Variants in TENM2 observed in about 807,000 individuals in gnomAD.
The protein encoded by TENM2 is teneurin transmembrane protein 2.
In TENM2, 52 loss-of-function variants were observed where a neutral mutation model predicts 245.2. The ratio of observed to expected loss-of-function variants is 0.21; its 90% CI spans 0.17 to 0.27. The LOEUF is 0.27. Ranked by LOEUF, TENM2 falls within the 10% of genes least tolerant of loss-of-function variation. The pLI, the probability that TENM2 is intolerant of heterozygous loss-of-function variation, is 1.00. For synonymous variants in TENM2, 1,363 were observed against 1,438.9 expected, an observed-to-expected ratio of 0.95 and a Z score of 1.19; for missense variants, 3,046 against 3,666.8, an observed-to-expected ratio of 0.83 and a Z score of 4.37.
chr5:167,872,546 A>AAGAAAGAAAG (rs1561881684), intron 2 of TENM2, among the ~76,000 whole-genome samples: 4 of 113,726 alleles, frequency 3.5e-5, no homozygotes, highest in African/African-American at 1.2e-4. Context: ...GAAAGAAAGA[A>AAGAAAGAAAG]AGAGAAAGAA....
chr5:167,196,498 G>A, the TENM2 span, among the ~76,000 whole-genome samples: 9 of 149,232 alleles, frequency 6.0e-5, 1 homozygote, highest in South Asian at 1.7e-3. Flanking sequence ...ATATATATAT[G>A]TGTATATATA....
the TENM2 span, among the ~76,000 whole-genome samples, chr5:167,177,918 C>T: frequency 5.9e-5 from 9 of 152,160 alleles, no homozygotes; most frequent in East Asian, 3.9e-4. Context: ...CTATAAAACA[C>T]GCAAAGCCTC....
At chr5:167,092,291 G>A in the TENM2 span, among the ~76,000 whole-genome samples, 2 of 152,208 alleles carry the variant, frequency 1.3e-5, no homozygotes, top group East Asian at 1.9e-4. Context: ...CATATGGCCC[G>A]TGACTGCTTT....
chr5:167,665,236 T>C (rs1282510268), intron 2 of TENM2, among the ~76,000 whole-genome samples: 3 of 152,126 alleles, frequency 2.0e-5, no homozygotes, highest in African/African-American at 7.2e-5. Context: ...TACAATAATA[T>C]ACATAAAATT....
intron 2 of TENM2, among the ~76,000 whole-genome samples, chr5:167,545,087 A>G (rs1318178830): frequency 1.3e-5 from 2 of 152,130 alleles, no homozygotes; most frequent in African/African-American, 4.8e-5. Flanking sequence ...GACAGCTGTT[A>G]TGCTATGTAA....
rs149632413 is a variant in TENM2, at chr5:167,948,645, G to T, written c.713-3943G>T. Among the ~76,000 whole-genome samples the T allele has an allele frequency of 2.8e-3, 428 of 152,294 alleles. 3 individuals carry two copies. Among genetic ancestry groups the T allele is most frequent in the African/African-American group, 9.8e-3 (409 of 41,556 alleles). On this transcript the variant is annotated intron_variant, in intron 3 of 28. Coordinates refer to ENST00000518659, the Ensembl canonical transcript of TENM2. The stretch of plus-strand genomic sequence containing the variant: ...GGTCAGCACCAATATTTTAATGACA[G>T]TTGCCTTTTGTCTACTAATAGCATA...
chr5:167,965,124 G>A (rs1781295126), intron 4 of TENM2: 1 of 152,176 alleles, frequency 6.6e-6, no homozygotes, highest in African/African-American at 2.4e-5. Flanking sequence ...GGTAGGATCA[G>A]TAGAAATTAA....
intron 2 of TENM2, among the ~76,000 whole-genome samples, chr5:167,873,143 C>G (rs1404855520): frequency 1.3e-5 from 2 of 152,192 alleles, no homozygotes; most frequent in African/African-American, 4.8e-5. Context: ...AGTTCAGGAG[C>G]CTTGAAGAAG....
intron 4 of TENM2, among the ~76,000 whole-genome samples, chr5:167,956,591 T>A (rs886224870): frequency 6.6e-6 from 1 of 152,212 alleles, no homozygotes; most frequent in Non-Finnish European, 1.5e-5. Flanking sequence ...CCATTCAGTG[T>A]GATATTGGCT....
intron 23 of TENM2, 111 bp downstream of exon 25, chr5:168,219,110 A>G: frequency 9.0e-7 from 1 of 1,105,200 alleles, no homozygotes; most frequent in Non-Finnish European, 1.3e-6. Flanking sequence ...TGTCTTTCTA[A>G]CTTTAATGAT....
intron 2 of TENM2, among the ~76,000 whole-genome samples, chr5:167,569,189 T>G (rs573526292): frequency 1.3e-5 from 2 of 151,538 alleles, no homozygotes; most frequent in East Asian, 1.9e-4. Flanking sequence ...TATTATTTTG[T>G]ATAATTTTGA....
chr5:168,118,207 C>A, intron 9 of TENM2, 85 bp from the exon 12 acceptor site: 2 of 1,179,700 alleles, frequency 1.7e-6, no homozygotes, highest in Non-Finnish European at 2.3e-6. Flanking sequence ...AGCCCCAAGG[C>A]CAGACAGCTC....
intron 2 of TENM2, among the ~76,000 whole-genome samples, chr5:167,717,351 T>C (rs893992187): frequency 5.3e-5 from 8 of 152,148 alleles, no homozygotes; most frequent in Admixed American, 4.6e-4. Context: ...TCCTCAACTA[T>C]GAACTGACCC....
chr5:167,782,426 G>T (rs1355635229), intron 2 of TENM2, among the ~76,000 whole-genome samples: 1 of 151,394 alleles, frequency 6.6e-6, no homozygotes, highest in African/African-American at 2.4e-5. Context: ...AGCAAATCCT[G>T]CTTTAGATGG....
the TENM2 span, among the ~76,000 whole-genome samples, chr5:167,274,326 T>C: frequency 6.6e-6 from 1 of 152,184 alleles, no homozygotes; most frequent in Non-Finnish European, 1.5e-5. Context: ...TTGTTCTGTG[T>C]ATCTCTAGTG....
the TENM2 span, among the ~76,000 whole-genome samples, chr5:167,008,708 T>G: frequency 6.6e-6 from 1 of 152,142 alleles, no homozygotes; most frequent in African/African-American, 2.4e-5. Flanking sequence ...AGATACCATC[T>G]AGGAGGAGAG....
At chr5:167,426,632 A>T (rs1488114221) in intron 2 of TENM2, among the ~76,000 whole-genome samples, 2 of 151,428 alleles carry the variant, frequency 1.3e-5, no homozygotes, top group Non-Finnish European at 2.9e-5. Context: ...TTTTGGTGTG[A>T]TTGCGATCCA....
intron 2 of TENM2, among the ~76,000 whole-genome samples, chr5:167,680,852 T>C (rs1756660500): frequency 6.6e-6 from 1 of 152,216 alleles, no homozygotes; most frequent in Non-Finnish European, 1.5e-5. Flanking sequence ...ATCTGGAGCC[T>C]AACTCACTGC....
the TENM2 span, among the ~76,000 whole-genome samples, chr5:166,998,419 G>A: frequency 2.8e-4 from 42 of 152,062 alleles, no homozygotes; most frequent in Non-Finnish European, 4.4e-4. Context: ...CAATGTTACT[G>A]TACCTAAATT....
Sources: allele counts gnomAD v4.1 joint callset (sites outside exome capture counted in the v4.1 genomes callset), GRCh38; gene constraint gnomAD v4.1.1; transcripts MANE v1.5; gene names NCBI Gene and HGNC (gene_info 2026-07-23, HGNC 2026-07-21).